Variants in RERG observed in about 807,000 individuals in gnomAD.
RERG encodes the protein RAS like estrogen regulated growth inhibitor, also known as ras-related and estrogen-regulated growth inhibitor.
RERG carries 25 observed loss-of-function variants against 23.2 expected under a neutral mutation model. That is an observed-to-expected ratio of 1.08 (90% CI 0.79 to 1.50). The LOEUF (loss-of-function observed/expected upper bound fraction) is 1.50, where lower values mean the gene tolerates loss of function less well. Among genes scored for constraint, RERG ranks in the 40% most tolerant of loss-of-function variants. The pLI is 0.00. For missense variants in RERG, 253 were observed against 250.1 expected (o/e 1.01, Z -0.08); for synonymous variants, 81 against 89.1 (o/e 0.91, Z 0.51).
chr12:15,175,449 C>T (rs1277913691), intron 2 of RERG, among the ~76,000 whole-genome samples: 1 of 146,570 alleles, frequency 6.8e-6, no homozygotes, highest in Non-Finnish European at 1.5e-5. Flanking sequence ...ACTTCATTTC[C>T]TGCTTGCACA....
intron 3 of RERG, chr12:15,114,642 A>G (rs978372871): frequency 2.6e-5 from 4 of 152,094 alleles, no homozygotes; most frequent in Admixed American, 2.0e-4. Flanking sequence ...ACTGTGGTAC[A>G]TCATTTTGAA....
chr12:15,150,460 A>T (rs1490875369), intron 2 of RERG, among the ~76,000 whole-genome samples: 1 of 152,158 alleles, frequency 6.6e-6, no homozygotes, highest in Non-Finnish European at 1.5e-5. Flanking sequence ...AGGGATAAAG[A>T]ATATCTAACT....
chr12:15,182,332 A>AG (rs1864935807), intron 2 of RERG, among the ~76,000 whole-genome samples: 1 of 152,078 alleles, frequency 6.6e-6, no homozygotes, highest in Non-Finnish European at 1.5e-5. Flanking sequence ...TGTTGGGATT[A>AG]CTGGTGTTAG....
chr12:15,166,543 A>AGTGGTGTTG (rs1864694464), intron 2 of RERG, among the ~76,000 whole-genome samples: 1 of 113,786 alleles, frequency 8.8e-6, no homozygotes. Flanking sequence ...TGGTGGTGGT[A>AGTGGTGTTG]GTGGTGTTGG....
In RERG at chr12:15,191,584, A is replaced by ATC. The variant is rs374463561; in HGVS notation, c.61+25843_61+25844dup. On this transcript the variant is annotated intron_variant, in intron 2 of 4. Transcript: ENST00000256953. ...GCACTCTACTTAACTTTCCAGCTTC[A>ATC]TCTCTCTCCAGCCTCCCCTTGAACT... is the stretch of plus-strand genomic sequence containing the variant. 1.8e-3 allele frequency among the ~76,000 whole-genome samples: 280 copies of ATC among 152,258 alleles called. 5 individuals are homozygous for ATC. Among genetic ancestry groups the ATC allele is most frequent in the African/African-American group, 6.6e-3 (273 of 41,546 alleles).
At chr12:15,162,762 C>T (rs1026432179) in intron 2 of RERG, among the ~76,000 whole-genome samples, 6 of 152,130 alleles carry the variant, frequency 3.9e-5, no homozygotes, top group Non-Finnish European at 8.8e-5. Flanking sequence ...TTAAAGATGA[C>T]CTAGTCCAAT....
chr12:15,113,129 T>G (rs1021275657), intron 3 of RERG, among the ~76,000 whole-genome samples: 10 of 152,262 alleles, frequency 6.6e-5, no homozygotes, highest in Middle Eastern at 3.4e-3. Context: ...TATCAGTATA[T>G]CAGGGTGAAG....
At chr12:15,198,772 C>A (rs556248000) in intron 2 of RERG, among the ~76,000 whole-genome samples, 1 of 152,256 alleles carries the variant, frequency 6.6e-6, no homozygotes, top group East Asian at 1.9e-4. Context: ...TTCCCCTATC[C>A]TCAAAGCCAG....
chr12:15,138,029 G>T, intron 2 of RERG: 2 of 295,198 alleles, frequency 6.8e-6, no homozygotes, highest in Non-Finnish European at 1.4e-5. Flanking sequence ...AATTTTTCAG[G>T]GTATAGAATT....
At chr12:15,149,313 A>G (rs1301749795) in intron 2 of RERG, among the ~76,000 whole-genome samples, 1 of 152,102 alleles carries the variant, frequency 6.6e-6, no homozygotes, top group Admixed American at 6.6e-5. Context: ...CCTTATATAG[A>G]CTGAATTCTG....
chr12:15,200,074 T>C (rs1865195459), intron 2 of RERG, among the ~76,000 whole-genome samples: 1 of 152,096 alleles, frequency 6.6e-6, no homozygotes, highest in Non-Finnish European at 1.5e-5. Flanking sequence ...AGGCATTTGG[T>C]AGACTATAAT....
At chr12:15,183,351 GAGTAATCAATTT>G (rs1565530892) in intron 2 of RERG, among the ~76,000 whole-genome samples, 1 of 151,778 alleles carries the variant, frequency 6.6e-6, no homozygotes, top group Non-Finnish European at 1.5e-5. Flanking sequence ...TATTGAAATT[GAGTAATCAATTT>G]AGTTTCAATT....
intron 3 of RERG, among the ~76,000 whole-genome samples, chr12:15,117,675 G>GCACACACACACACA (rs3084648): frequency 5.5e-5 from 8 of 145,020 alleles, no homozygotes; most frequent in Non-Finnish European, 7.4e-5. Flanking sequence ...TCACACACGC[G>GCACACACACACACA]CACACACACA....
intron 2 of RERG, among the ~76,000 whole-genome samples, chr12:15,207,669 G>A (rs1865310381): frequency 6.6e-6 from 1 of 152,086 alleles, no homozygotes; most frequent in East Asian, 1.9e-4. Context: ...GTGCATTGTA[G>A]AGCGAAAGAG....
At chr12:15,166,591 G>A (rs1479284157) in intron 2 of RERG, among the ~76,000 whole-genome samples, 5 of 151,848 alleles carry the variant, frequency 3.3e-5, no homozygotes, top group African/African-American at 9.7e-5. Context: ...TAGGGGTGGT[G>A]CCACTGCAGC....
chr12:15,173,965 C>T (rs972119669), intron 2 of RERG, among the ~76,000 whole-genome samples: 1 of 151,800 alleles, frequency 6.6e-6, no homozygotes, highest in African/African-American at 2.4e-5. Context: ...TACTTTTATT[C>T]TGCCTTTTAT....
At chr12:15,191,641 T>C (rs1431585607) in intron 2 of RERG, among the ~76,000 whole-genome samples, 1 of 152,154 alleles carries the variant, frequency 6.6e-6, no homozygotes, top group Non-Finnish European at 1.5e-5. Context: ...TGTTTCTTCA[T>C]TTTACAAAGG....
chr12:15,197,128 T>C (rs1199377848), intron 2 of RERG, among the ~76,000 whole-genome samples: 1 of 152,186 alleles, frequency 6.6e-6, no homozygotes, highest in African/African-American at 2.4e-5. Flanking sequence ...ACTGAGCAAC[T>C]AGAATATGTC....
At position 15,148,887 on chromosome 12, in the gene RERG, T is replaced by TTTTTTTTTTTTTTTTTG. The variant is rs1156302513; in HGVS notation, c.62-27769_62-27768insCAAAAAAAAAAAAAAAA. 4.3e-5 allele frequency among the ~76,000 whole-genome samples: 3 copies of TTTTTTTTTTTTTTTTTG among 69,500 alleles called. 1 individual carries two copies. The highest frequency in any genetic ancestry group is 4.4e-4 in the East Asian group (1 of 2,264). 45.6% of individuals were successfully genotyped at this position (69,500 alleles called of 152,430 possible). On this transcript the variant is annotated intron_variant, in intron 2 of 4. Transcript: ENST00000256953. ...TTTTTTTTTTTTTTTTTTTTTTTTTTAGACAGAGTCTAGCTCTGTCACCCA... is the reference window on the plus strand; with the variant it reads ...TTTTTTTTTTTTTTTTTTTTTTTTTTTTTTTTTTTTTTTTTTGAGACAGAGTCTAGCTCTGTCACCCA...
Sources: gnomAD v4.1 joint callset for allele counts (sites outside exome capture counted in the v4.1 genomes callset) on GRCh38, gnomAD v4.1.1 for gene constraint, MANE v1.5 for transcripts, NCBI Gene and HGNC (gene_info 2026-07-23, HGNC 2026-07-21) for gene names.